The following GNPAT variants were observed in gnomAD, a reference collection of about 807,000 sequenced individuals.
GNPAT encodes the protein dihydroxyacetone phosphate acyltransferase.
GNPAT carries 30 observed loss-of-function variants against 78.4 expected under a neutral mutation model. That is an observed-to-expected ratio of 0.38 (90% CI 0.29 to 0.52). The LOEUF (loss-of-function observed/expected upper bound fraction) is 0.52. GNPAT is among the 20% of genes least tolerant of loss of function. The probability of loss-of-function intolerance (pLI) is 0.84; values close to 1 mark genes in which losing one functional copy is unlikely to be tolerated. For synonymous variants in GNPAT, 271 were observed against 281.1 expected, an observed-to-expected ratio of 0.96 and a Z score of 0.36; for missense variants, 714 against 812.2, an observed-to-expected ratio of 0.88 and a Z score of 1.47.
rs576588657 is a variant in GNPAT, at chr1:231,265,577, C to T, written c.697-135C>T. The stretch of plus-strand genomic sequence containing the variant: ...CAATTGGTTTAATCTGTGTGACTCT[C>T]TTGTTTAATTTTCACTGTAAGCTGT... On this transcript the variant is annotated intron_variant, in intron 5 of 15. Transcript: ENST00000366647. 2.4e-4 allele frequency: 213 copies of T among 891,180 alleles called. 1 individual carries two copies. The Middle Eastern group carries it at 4.3e-3, about 18-fold the overall frequency. 55.2% of individuals were successfully genotyped at this position (891,180 alleles called of 1,614,324 possible).
At chr1:231,253,130 G>A (rs576957583) in intron 2 of GNPAT, among the ~76,000 whole-genome samples, 5 of 152,064 alleles carry the variant, frequency 3.3e-5, no homozygotes, top group Non-Finnish European at 7.4e-5. Context: ...CGCCACGCCC[G>A]GCTAATTTTT....
At chr1:231,271,363 C>T (rs1685559785) in intron 10 of GNPAT, among the ~76,000 whole-genome samples, 1 of 152,184 alleles carries the variant, frequency 6.6e-6, no homozygotes, top group South Asian at 2.1e-4. Context: ...GGCAGATGAG[C>T]AGTCAGCAGT....
chr1:231,267,300 T>A (rs476210), intron 8 of GNPAT, among the ~76,000 whole-genome samples: 88,057 of 152,014 alleles, frequency 0.58, 25,835 homozygotes, highest in African/African-American at 0.65. Context: ...ATATAATCTG[T>A]TAAGTGTGTT....
At position 231,265,741 on chromosome 1, in the gene GNPAT, C is replaced by G. The variant is rs1486465597; in HGVS notation, c.726C>G (p.Leu242=). ...GTTATGCTCCTGTTGAATTTTTCCTCGAAGGGACAAGAAGCCGCTCTGCCA... is the reference window on the plus strand; with the variant it reads ...GTTATGCTCCTGTTGAATTTTTCCTGGAAGGGACAAGAAGCCGCTCTGCCA... ...RNGYAPVEFF[L]EGTRSRSAKT... Residue 242 remains leucine (L), a synonymous_variant, in exon 6 of 16, where the codon CTC becomes CTG. Coordinates refer to ENST00000366647, the MANE Select transcript of GNPAT (RefSeq NM_014236.4). 2.5e-6 allele frequency: 4 copies of G among 1,606,292 alleles called. No individual in the cohort carries two copies. In the African/African-American group the frequency reaches 5.4e-5, roughly 22 times the overall value.
intron 2 of GNPAT, among the ~76,000 whole-genome samples, chr1:231,253,197 C>T (rs1684948972): frequency 6.6e-6 from 1 of 152,094 alleles, no homozygotes; most frequent in Admixed American, 6.6e-5. Flanking sequence ...TCTCGATCTC[C>T]TGACCTTGTG....
At chr1:231,254,816 A>G (rs1242574269) in intron 2 of GNPAT, among the ~76,000 whole-genome samples, 2 of 151,292 alleles carry the variant, frequency 1.3e-5, no homozygotes, top group African/African-American at 2.4e-5. Context: ...GCGGTGCACA[A>G]TCTCGGTTCA....
chr1:231,244,257 G>A (rs182697754), intron 1 of GNPAT, among the ~76,000 whole-genome samples: 3 of 152,332 alleles, frequency 2.0e-5, no homozygotes, highest in African/African-American at 7.2e-5. Flanking sequence ...CCTAAGTAGA[G>A]ACTGTAGGAA....
At chr1:231,277,107 C>T (rs992757494) in intron 15 of GNPAT, among the ~76,000 whole-genome samples, 2 of 152,126 alleles carry the variant, frequency 1.3e-5, no homozygotes, top group African/African-American at 2.4e-5. Flanking sequence ...ATATGTAGGT[C>T]GAAATCCCAG....
chr1:231,270,760 A>C lies in GNPAT; in HGVS notation c.1282A>C (p.Asn428His), dbSNP rs1256229865. ...GAATGAATTGTCTTTGTGTGTAGAT[A>C]ATAAACCTGCTGAAGAAGTTGTCCC... The part of the protein sequence containing the change: ...AFGGFLIWPD[N>H]KPAEEVVPAS... The change falls in exon 10 of 16, where the codon AAT (asparagine) becomes CAT (histidine). Residue 428 changes from asparagine (N) to histidine (H), a missense_variant and splice_region_variant. Transcript: ENST00000366647. The C allele has an allele frequency of 6.2e-7, 1 of 1,613,862 alleles. No homozygotes were observed. Among genetic ancestry groups the C allele is most frequent in the East Asian group, 2.2e-5 (1 of 44,884 alleles).
intron 11 of GNPAT, among the ~76,000 whole-genome samples, chr1:231,273,453 G>C (rs928695368): frequency 2.6e-5 from 4 of 151,898 alleles, no homozygotes; most frequent in African/African-American, 9.7e-5. Context: ...GGGTTTCACT[G>C]TGTTAGCCAG....
At chr1:231,267,652 A>G in intron 8 of GNPAT, 28 bp from the exon 9 acceptor site, 1 of 1,246,562 alleles carries the variant, frequency 8.0e-7, no homozygotes, top group Non-Finnish European at 1.2e-6. Context: ...CAGAACTGTA[A>G]TTTGTTGCTC....
chr1:231,252,854 C>T (rs1385745511), intron 2 of GNPAT, among the ~76,000 whole-genome samples: 2 of 152,166 alleles, frequency 1.3e-5, no homozygotes. Flanking sequence ...TTGACGCTGC[C>T]TCTTTATTTG....
intron 1 of GNPAT, 108 bp downstream of exon 1, chr1:231,241,564 C>T: frequency 2.4e-6 from 2 of 834,196 alleles, no homozygotes; most frequent in South Asian, 2.7e-5. Flanking sequence ...AGAGCTGGCC[C>T]CTAGGCTCCC....
At chr1:231,262,621 T>C (rs1347145058) in intron 3 of GNPAT, 102 bp from the exon 4 acceptor site, 6 of 909,100 alleles carry the variant, frequency 6.6e-6, no homozygotes, top group Non-Finnish European at 1.8e-6. Context: ...AGAGGATGGG[T>C]ATTCCCTCTA....
chr1:231,260,087 G>A (rs577990792), intron 2 of GNPAT, among the ~76,000 whole-genome samples: 3 of 152,126 alleles, frequency 2.0e-5, no homozygotes, highest in Non-Finnish European at 2.9e-5. Flanking sequence ...AGTCTGAGTC[G>A]GTAATTTCAA....
Position 231,266,381 on chromosome 1 carries a change from T to G in GNPAT, c.1029T>G (p.Ser343Arg). The G allele has an allele frequency of 1.2e-6, 2 of 1,613,890 alleles. No individual in the cohort carries two copies. Among genetic ancestry groups the G allele is most frequent in the Non-Finnish European group, 1.7e-6 (2 of 1,179,810 alleles). ...GATCTTTGGCAGCTGGGAGGATGAG[T>G]CGGAGCTCATATAACTTGGTTCCAA... Reference protein sequence around the residue: ...SLRSLAAGRMSRSSYNLVPRY... With the variant: ...SLRSLAAGRMRRSSYNLVPRY... The change falls in exon 8 of 16, where the codon AGT becomes AGG. Residue 343 changes from serine (S) to arginine (R), a missense_variant. Physicochemically the swap from Ser to Arg is moderately radical, Grantham distance 110. Transcript: ENST00000366647.
chr1:231,273,717 C>A (rs541441632), intron 11 of GNPAT, among the ~76,000 whole-genome samples: 1 of 152,258 alleles, frequency 6.6e-6, no homozygotes, highest in South Asian at 2.1e-4. Flanking sequence ...GAATGTAGAG[C>A]AGATGCTTCT....
At chr1:231,247,053 C>G (rs777330033) in intron 1 of GNPAT, among the ~76,000 whole-genome samples, 1 of 152,098 alleles carries the variant, frequency 6.6e-6, no homozygotes, top group Non-Finnish European at 1.5e-5. Flanking sequence ...CCTGTAGTCC[C>G]AGCCGCTCGG....
chr1:231,260,755 C>T (rs1685202336), intron 3 of GNPAT, 72 bp downstream of exon 3: 2 of 1,050,358 alleles, frequency 1.9e-6, no homozygotes, highest in Admixed American at 1.8e-5. Flanking sequence ...AAAAAACAGT[C>T]TCTTTTTCAA....
Sources: allele counts gnomAD v4.1 joint callset (sites outside exome capture counted in the v4.1 genomes callset), GRCh38; gene constraint gnomAD v4.1.1; transcripts MANE v1.5; gene names NCBI Gene and HGNC (gene_info 2026-07-23, HGNC 2026-07-21).